Variants in GATA4 observed in about 807,000 individuals in gnomAD.
The protein encoded by GATA4 is GATA binding protein 4, also known as transcription factor GATA-4.
Under a neutral mutation model 37.9 loss-of-function variants are expected in GATA4, and 7 were observed. The ratio of observed to expected loss-of-function variants is 0.18; its 90% CI spans 0.11 to 0.35. The LOEUF is 0.35. Ranked by LOEUF, GATA4 falls within the 10% of genes least tolerant of loss-of-function variation. GATA4 has a pLI of 1.00. For missense variants in GATA4, 647 were observed against 653.0 expected, an observed-to-expected ratio of 0.99 and a Z score of 0.10; for synonymous variants, 372 against 292.6, an observed-to-expected ratio of 1.27 and a Z score of -2.77.
intron 1 of GATA4, among the ~76,000 whole-genome samples, chr8:11,686,640 C>A (rs1004335057): frequency 3.3e-5 from 5 of 152,212 alleles, no homozygotes; most frequent in African/African-American, 1.2e-4. Context: ...GTGGTAGGAA[C>A]TTTCCTGAAG....
intron 1 of GATA4, among the ~76,000 whole-genome samples, chr8:11,704,949 C>G (rs1356947025): frequency 6.6e-6 from 1 of 152,260 alleles, no homozygotes; most frequent in African/African-American, 2.4e-5. Flanking sequence ...CTACCTGAAA[C>G]TGGCCAAGGG....
intron 1 of GATA4, among the ~76,000 whole-genome samples, chr8:11,696,917 G>A (rs1799525131): frequency 6.6e-6 from 1 of 152,210 alleles, no homozygotes. Context: ...GAGAGTGTGG[G>A]CCCCTGGAAC....
chr8:11,682,730 C>T (rs1799010736), intron 1 of GATA4, among the ~76,000 whole-genome samples: 1 of 152,186 alleles, frequency 6.6e-6, no homozygotes. Context: ...GATTGCAGAA[C>T]AACAAAAATT....
chr8:11,746,214 T>G, intron 2 of GATA4, among the ~76,000 whole-genome samples: 1 of 148,594 alleles, frequency 6.7e-6, no homozygotes, highest in Non-Finnish European at 1.5e-5. Context: ...GGTGACAGAG[T>G]GAGACTCTGT....
intron 1 of GATA4, chr8:11,698,039 C>T (rs1274226600): frequency 2.0e-6 from 2 of 983,046 alleles, no homozygotes; most frequent in Admixed American, 6.1e-5. Flanking sequence ...GGGTTGACCT[C>T]GTCCCGGTCG....
intron 1 of GATA4, chr8:11,677,067 A>C (rs1195511183): frequency 6.5e-6 from 1 of 152,716 alleles, no homozygotes; most frequent in Non-Finnish European, 1.5e-5. Flanking sequence ...ACCGCGGGTG[A>C]GTCCCCTCCT....
Position 11,708,134 on chromosome 8 carries a change from A to G in GATA4, c.-179A>G, listed in dbSNP as rs1035599278. On this transcript the variant is annotated 5_prime_UTR_variant, in exon 2 of 7. The change abolishes an upstream ATG in the 5' untranslated region. Transcript: ENST00000532059. The surrounding 1 kb of genome is among the most constrained non-coding windows in gnomAD (Gnocchi z 6.7). ...ACAAGAGCCTAGAGCCCTTTGCTCA[A>G]TGCTGGATTTAATACGTATATATTT... 5.3e-6 allele frequency: 4 copies of G among 749,556 alleles called. No individual in the cohort carries two copies. In the African/African-American group the frequency reaches 6.9e-5, roughly 13 times the overall value. The allele number at this position is 749,556 out of a possible 1,614,324, so 46.4% of individuals were successfully genotyped here.
chr8:11,723,572 A>G (rs1350843684), intron 2 of GATA4, among the ~76,000 whole-genome samples: 1 of 152,198 alleles, frequency 6.6e-6, no homozygotes, highest in East Asian at 1.9e-4. Flanking sequence ...ATTTGCCCCA[A>G]GAAACCTGGC....
chr8:11,713,238 A>C (rs1230885276), intron 2 of GATA4, among the ~76,000 whole-genome samples: 2 of 152,228 alleles, frequency 1.3e-5, no homozygotes, highest in African/African-American at 2.4e-5. Context: ...GTGAACTTTA[A>C]TTCACTCCAA....
intron 1 of GATA4, among the ~76,000 whole-genome samples, chr8:11,683,995 C>T (rs182711379): frequency 3.8e-4 from 58 of 152,368 alleles, no homozygotes; most frequent in Non-Finnish European, 4.4e-5. Context: ...GCTACTGTGA[C>T]TCCCAAGTCT....
Position 11,680,638 on chromosome 8 carries a change from G to A in GATA4, c.-274+3575G>A. Reference sequence around the variant, plus strand: ...GGCGTGACCTCTTGCCACGCCTGGCGCTGCTGGGAACGTGTCTCGGGTCGC... The same window carrying A: ...GGCGTGACCTCTTGCCACGCCTGGCACTGCTGGGAACGTGTCTCGGGTCGC... On this transcript the variant is annotated intron_variant, in intron 1 of 6. Transcript: ENST00000528712. The A allele has an allele frequency of 8.1e-6, 8 of 985,370 alleles. No individual in the cohort carries two copies. The South Asian group carries it at 3.8e-4, about 46-fold the overall frequency. The allele number at this position is 985,370 out of a possible 1,614,324, so 61.0% of individuals were successfully genotyped here.
chr8:11,711,410 T>C (rs570154836), intron 2 of GATA4, among the ~76,000 whole-genome samples: 30 of 152,326 alleles, frequency 2.0e-4, no homozygotes, highest in African/African-American at 6.7e-4. Context: ...ACACAGGGCA[T>C]GTTGAACTTG....
In GATA4 at chr8:11,708,587, C is replaced by T; in HGVS notation, c.275C>T (p.Ala92Val). 2.9e-6 allele frequency: 4 copies of T among 1,358,486 alleles called. No homozygotes were observed. Among genetic ancestry groups the T allele is most frequent in the South Asian group, 1.9e-5 (1 of 53,956 alleles). 84.2% of individuals were successfully genotyped at this position (1,358,486 alleles called of 1,614,324 possible). A position where few individuals can be genotyped will look rare whatever the true frequency, so the allele number is the denominator to read the frequency against. ...CAGGGCAGCCCGGGATGGAGCCAGG[C>T]GGGAGCCGACGGAGCCGCTTACACC... ...TQQGSPGWSQAGADGAAYTPP... is the reference protein window; with the variant it reads ...TQQGSPGWSQVGADGAAYTPP... Residue 92 changes from alanine (A) to valine (V), a missense_variant, in exon 2 of 7, where the codon GCG (alanine) becomes GTG (valine). This residue lies in a region of GATA4 where 379 missense variants were observed against 334.5 expected (regional missense o/e 1.13). Coordinates refer to ENST00000532059, the MANE Select transcript of GATA4 (RefSeq NM_001308093.3). The surrounding 1 kb of genome is among the most constrained non-coding windows in gnomAD (Gnocchi z 6.7).
At chr8:11,686,019 C>G (rs1190919819) in intron 1 of GATA4, among the ~76,000 whole-genome samples, 1 of 152,184 alleles carries the variant, frequency 6.6e-6, no homozygotes, top group African/African-American at 2.4e-5. Flanking sequence ...AATCACAAGA[C>G]AGCTCTTAAT....
At chr8:11,688,518 G>A (rs1466503456), upstream of GATA4, among the ~76,000 whole-genome samples, 7 of 119,072 alleles carry the variant, frequency 5.9e-5, no homozygotes, top group African/African-American at 1.1e-4. Context: ...ATGCGCGTGC[G>A]CGCATGCACA....
chr8:11,742,179 T>G (rs1585669175), intron 2 of GATA4, among the ~76,000 whole-genome samples: 1 of 152,028 alleles, frequency 6.6e-6, no homozygotes, highest in Non-Finnish European at 1.5e-5. Context: ...GGGCCCAGGG[T>G]GTCAGGGGCT....
At chr8:11,746,561 G>A (rs1022622839) in intron 2 of GATA4, among the ~76,000 whole-genome samples, 5 of 152,212 alleles carry the variant, frequency 3.3e-5, no homozygotes, top group Non-Finnish European at 7.3e-5. Context: ...CGTTGCCCGC[G>A]CCCGCCTCTT....
chr8:11,697,967 C>T (rs1047672849), intron 1 of GATA4: 10 of 985,348 alleles, frequency 1.0e-5, no homozygotes, highest in African/African-American at 1.7e-5. Flanking sequence ...GCTCCAGCCG[C>T]GGGTGTCCCT....
intron 2 of GATA4, among the ~76,000 whole-genome samples, chr8:11,712,608 C>G (rs540609717): frequency 6.6e-6 from 1 of 151,482 alleles, no homozygotes; most frequent in Non-Finnish European, 1.5e-5. Context: ...TGTAATCCCA[C>G]CCTTTGGGAG....
Sources: allele counts gnomAD v4.1 joint callset (sites outside exome capture counted in the v4.1 genomes callset), GRCh38; gene constraint gnomAD v4.1.1; regional missense constraint gnomAD v4.1.1; non-coding constraint Gnocchi (gnomAD v3.1); transcripts MANE v1.5; gene names NCBI Gene and HGNC (gene_info 2026-07-23, HGNC 2026-07-21).